The following ITGA9 variants were observed in gnomAD, a reference collection of about 807,000 sequenced individuals.
ITGA9 encodes the protein integrin alpha-9.
A neutral mutation model predicts 127.8 loss-of-function variants in ITGA9; 56 were observed. That is an observed-to-expected ratio of 0.44 (90% CI 0.35 to 0.55). The LOEUF is 0.55. ITGA9 is among the 20% of genes least tolerant of loss of function. The pLI is 0.00. For synonymous variants in ITGA9, 508 were observed against 514.5 expected (o/e 0.99, Z 0.17); for missense variants, 1,196 against 1,347.1 (o/e 0.89, Z 1.76).
intron 26 of ITGA9, among the ~76,000 whole-genome samples, chr3:37,796,101 AGT>A (rs1186281744): frequency 6.6e-6 from 1 of 152,066 alleles, no homozygotes; most frequent in Non-Finnish European, 1.5e-5. Context: ...GTCCAATGGC[AGT>A]GTCTCACCCT....
chr3:37,680,895 T>C (rs1367583668), intron 17 of ITGA9, among the ~76,000 whole-genome samples: 3 of 152,254 alleles, frequency 2.0e-5, no homozygotes, highest in African/African-American at 4.8e-5. Flanking sequence ...AGGGTCTTAA[T>C]TTATTGGAGG....
intron 22 of ITGA9, chr3:37,749,098 C>T (rs7619862): frequency 0.3 from 83,412 of 278,574 alleles, 15,286 homozygotes; most frequent in African/African-American, 0.61. Context: ...AAAATGGGCC[C>T]CGCTGGGCTA....
At chr3:37,769,676 G>T (rs1696820611) in intron 23 of ITGA9, among the ~76,000 whole-genome samples, 1 of 152,158 alleles carries the variant, frequency 6.6e-6, no homozygotes. Context: ...TGCACATGCT[G>T]TTCTCTTCCT....
At chr3:37,582,671 T>C (rs552132890) in intron 15 of ITGA9, among the ~76,000 whole-genome samples, 1 of 152,296 alleles carries the variant, frequency 6.6e-6, no homozygotes, top group East Asian at 1.9e-4. Context: ...TCTTAGTGGG[T>C]TCTGTACAAT....
At chr3:37,689,369 A>G (rs969373855) in intron 18 of ITGA9, among the ~76,000 whole-genome samples, 2 of 152,188 alleles carry the variant, frequency 1.3e-5, no homozygotes, top group Admixed American at 1.3e-4. Flanking sequence ...CTAACTTGAA[A>G]ACACATTATA....
chr3:37,461,687 C>T (rs750818143), intron 1 of ITGA9, among the ~76,000 whole-genome samples: 3 of 152,124 alleles, frequency 2.0e-5, no homozygotes, highest in Non-Finnish European at 4.4e-5. Context: ...TATGTGTGGC[C>T]TCTAACATTT....
chr3:37,620,442 C>CT (rs954538999), intron 15 of ITGA9, among the ~76,000 whole-genome samples: 5 of 152,118 alleles, frequency 3.3e-5, no homozygotes, highest in African/African-American at 1.2e-4. Context: ...GGGCAACTGG[C>CT]TTTTTTAGAG....
Position 37,506,058 on chromosome 3 carries a change from T to C in ITGA9, c.801T>C (p.Gly267=). The change falls in exon 7 of 28, where the codon GGT becomes GGC. Residue 267 remains glycine, a synonymous_variant. Transcript: ENST00000264741. ...SHPSTIDVVG[G]APQDKGIGKV... ...CGTCCACCATTGATGTGGTAGGAGG[T>C]GCCCCACAGGACAAAGGCATCGGCA... The C allele has an allele frequency of 1.2e-6, 2 of 1,609,864 alleles. No homozygotes were observed. The highest frequency in any genetic ancestry group is 2.2e-5 in the South Asian group (2 of 89,744).
Position 37,523,596 on chromosome 3 carries a change from G to A in ITGA9, c.1312G>A (p.Gly438Arg). The change falls in exon 12 of 28, where the codon GGA becomes AGA. Residue 438 changes from glycine (G) to arginine (R), a missense_variant. Gly to Arg is a moderately radical substitution (Grantham distance 125). Coordinates refer to ENST00000264741, the MANE Select transcript of ITGA9 (RefSeq NM_002207.3). ...QSISGGIDMD[G>R]NGYPDVTVGA... is the part of the protein sequence containing the mutation. ...CATATCGGGAGGCATTGATATGGAT[G>A]GAAATGGCTATCCTGGTAAGCTGTT... The A allele has an allele frequency of 1.2e-6, 2 of 1,611,196 alleles. No homozygotes were observed. The highest frequency in any genetic ancestry group is 1.7e-6 in the Non-Finnish European group (2 of 1,177,458).
intron 18 of ITGA9, among the ~76,000 whole-genome samples, chr3:37,723,993 C>T (rs1177391881): frequency 6.6e-6 from 1 of 152,314 alleles, no homozygotes; most frequent in East Asian, 1.9e-4. Context: ...AACATGTCTG[C>T]CCTCTGACTT....
At chr3:37,485,100 G>C (rs374777727) in intron 4 of ITGA9, among the ~76,000 whole-genome samples, 29 of 152,318 alleles carry the variant, frequency 1.9e-4, no homozygotes, top group African/African-American at 4.3e-4. Context: ...AGGGGACAGG[G>C]TGTTTTAAAA....
At position 37,814,135 on chromosome 3, in the gene ITGA9, GGCCCACAGTCTAGA is replaced by G. The variant is rs1253916591; in HGVS notation, c.3010-4752_3010-4739del. 1.3e-5 allele frequency among the ~76,000 whole-genome samples: 2 copies of G among 152,170 alleles called. No homozygotes were observed. Among genetic ancestry groups the G allele is most frequent in the Admixed American group, 1.3e-4 (2 of 15,274 alleles). On this transcript the variant is annotated intron_variant, in intron 27 of 27. Transcript: ENST00000264741. The surrounding 1 kb of genome is among the most constrained non-coding windows in gnomAD (Gnocchi z 4.3). The stretch of plus-strand genomic sequence containing the variant: ...GTGAGTCCTGAGTACCCAGCTGTGT[GGCCCACAGTCTAGA>G]GCCTTGAATTCACTTTGGGGAAAAC...
chr3:37,613,213 G>A (rs1700041182), intron 15 of ITGA9, among the ~76,000 whole-genome samples: 1 of 151,648 alleles, frequency 6.6e-6, no homozygotes, highest in Non-Finnish European at 1.5e-5. Context: ...AACATGCGGT[G>A]TTTGGTTTTT....
chr3:37,453,229 G>A (rs1291314653), intron 1 of ITGA9, among the ~76,000 whole-genome samples: 3 of 152,162 alleles, frequency 2.0e-5, no homozygotes, highest in African/African-American at 4.8e-5. Flanking sequence ...CCGCCGGTGG[G>A]GCAGGTAGTT....
chr3:37,513,843 C>T lies in ITGA9; in HGVS notation c.978C>T (p.Pro326=). Residue 326 remains proline (P), a synonymous_variant, in exon 9 of 28, where the codon CCC becomes CCT. Coordinates refer to ENST00000264741, the MANE Select transcript of ITGA9 (RefSeq NM_002207.3). The part of the protein sequence containing the change: ...DGLSDLLVGA[P]MFSEIRDEGQ... ...TCTCTGACCTGCTGGTGGGGGCCCC[C>T]ATGTTTTCTGAGATCAGGGATGAGG... is the stretch of plus-strand genomic sequence containing the variant. 1 of 1,613,864 alleles carries T rather than the reference C, an allele frequency of 6.2e-7. No individual in the cohort carries two copies. The highest frequency in any genetic ancestry group is 8.5e-7 in the Non-Finnish European group (1 of 1,180,018).
intron 15 of ITGA9, among the ~76,000 whole-genome samples, chr3:37,561,407 G>A (rs568980994): frequency 6.6e-6 from 1 of 152,264 alleles, no homozygotes; most frequent in African/African-American, 2.4e-5. Flanking sequence ...TGGGATTGTC[G>A]TAAGGAGGCC....
chr3:37,684,093 G>A, intron 18 of ITGA9, 78 bp downstream of exon 18: 1 of 1,194,076 alleles, frequency 8.4e-7, no homozygotes, highest in Non-Finnish European at 1.3e-6. Flanking sequence ...CCTGGAATAG[G>A]CAATGATTCT....
At chr3:37,618,277 G>A (rs939400367) in intron 15 of ITGA9, among the ~76,000 whole-genome samples, 13 of 152,330 alleles carry the variant, frequency 8.5e-5, no homozygotes, top group African/African-American at 3.1e-4. Context: ...CAGAACAGTG[G>A]ATATTGGTGA....
chr3:37,461,819 G>T (rs1436044697), intron 1 of ITGA9, among the ~76,000 whole-genome samples: 5 of 152,072 alleles, frequency 3.3e-5, no homozygotes, highest in Non-Finnish European at 5.9e-5. Flanking sequence ...CTAGAATTTT[G>T]CCTGCCTGTT....
Sources: allele counts gnomAD v4.1 joint callset (sites outside exome capture counted in the v4.1 genomes callset), GRCh38; gene constraint gnomAD v4.1.1; non-coding constraint Gnocchi (gnomAD v3.1); transcripts MANE v1.5; gene names NCBI Gene and HGNC (gene_info 2026-07-23, HGNC 2026-07-21).